AFG2A: variants seen among roughly 807,000 people sequenced by gnomAD.
The protein encoded by AFG2A is ATPase family gene 2 protein homolog A.
the AFG2A span, among the ~76,000 whole-genome samples, chr4:123,288,501 C>A: frequency 6.6e-6 from 1 of 152,118 alleles, no homozygotes; most frequent in Non-Finnish European, 1.5e-5. Flanking sequence ...GTTGAAAGTT[C>A]TTCTCTGCCA....
chr4:122,936,246 G>A, the AFG2A span: 4 of 856,490 alleles, frequency 4.7e-6, no homozygotes, highest in Admixed American at 3.1e-5. Context: ...AGCATAAACA[G>A]TAGTACAAAA....
chr4:123,078,324 A>T, the AFG2A span, among the ~76,000 whole-genome samples: 31 of 152,242 alleles, frequency 2.0e-4, no homozygotes, highest in Admixed American at 5.9e-4. Flanking sequence ...TGCTGAAGTC[A>T]TAGTTCAACC....
the AFG2A span, among the ~76,000 whole-genome samples, chr4:123,011,519 G>A: frequency 6.6e-5 from 10 of 152,266 alleles, no homozygotes; most frequent in Middle Eastern, 3.4e-3. Flanking sequence ...GGGAGGGACC[G>A]ACGTGTTAAA....
chr4:123,239,936 T>G, the AFG2A span, among the ~76,000 whole-genome samples: 4 of 152,234 alleles, frequency 2.6e-5, no homozygotes, highest in Non-Finnish European at 5.9e-5. Context: ...GAGACCCATC[T>G]CATGTACAGA....
the AFG2A span, among the ~76,000 whole-genome samples, chr4:123,233,796 T>C: frequency 2.6e-5 from 4 of 151,992 alleles, no homozygotes; most frequent in East Asian, 1.9e-4. Context: ...TCAGTATATG[T>C]AAATATATGT....
At chr4:123,163,399 A>G in the AFG2A span, among the ~76,000 whole-genome samples, 120 of 152,300 alleles carry the variant, frequency 7.9e-4, 1 homozygote, top group African/African-American at 2.6e-3. Flanking sequence ...CTGAGATTGC[A>G]CGGCTGCATT....
At chr4:123,118,104 T>C in the AFG2A span, among the ~76,000 whole-genome samples, 42 of 151,030 alleles carry the variant, frequency 2.8e-4, no homozygotes, top group South Asian at 6.5e-3. Context: ...GATGGTATTT[T>C]GAATTGGTAA....
the AFG2A span, among the ~76,000 whole-genome samples, chr4:122,940,809 A>G: frequency 4.6e-3 from 702 of 151,218 alleles, 3 homozygotes; most frequent in South Asian, 0.018. Flanking sequence ...TAATTTTTGT[A>G]TAAGGTGTAA....
the AFG2A span, among the ~76,000 whole-genome samples, chr4:123,299,406 T>C: frequency 6.6e-6 from 1 of 152,194 alleles, no homozygotes; most frequent in African/African-American, 2.4e-5. Context: ...AGTTTAGTGA[T>C]TAGATCTCCA....
the AFG2A span, among the ~76,000 whole-genome samples, chr4:123,269,263 G>A: frequency 6.6e-6 from 1 of 152,288 alleles, no homozygotes; most frequent in Non-Finnish European, 1.5e-5. Context: ...TGTCCTGCAT[G>A]CCTCTTCCTC....
the AFG2A span, among the ~76,000 whole-genome samples, chr4:123,252,106 T>TCCAAGG: frequency 6.6e-6 from 1 of 152,190 alleles, no homozygotes; most frequent in African/African-American, 2.4e-5. Flanking sequence ...CCCATTAATA[T>TCCAAGG]AATTTCCAAA....
the AFG2A span, among the ~76,000 whole-genome samples, chr4:122,933,832 A>G: frequency 6.6e-6 from 1 of 152,168 alleles, no homozygotes; most frequent in Admixed American, 6.5e-5. Flanking sequence ...TTATTATTGA[A>G]TATGGAATGC....
At chr4:123,028,164 T>C in the AFG2A span, 1 of 1,599,310 alleles carries the variant, frequency 6.3e-7, no homozygotes, top group Non-Finnish European at 8.5e-7. Context: ...AACTTATATT[T>C]GGAAAATGTT....
At chr4:123,177,469 C>T in the AFG2A span, among the ~76,000 whole-genome samples, 1 of 151,996 alleles carries the variant, frequency 6.6e-6, no homozygotes, top group Non-Finnish European at 1.5e-5. Flanking sequence ...CCTTGGCCTC[C>T]CAAAGTGCTG....
the AFG2A span, among the ~76,000 whole-genome samples, chr4:123,259,774 A>G: frequency 6.6e-6 from 1 of 152,168 alleles, no homozygotes; most frequent in Admixed American, 6.5e-5. Context: ...TATATTTACA[A>G]AAAAAAGCAA....
chr4:122,997,083 C>T, the AFG2A span, among the ~76,000 whole-genome samples: 1 of 152,166 alleles, frequency 6.6e-6, no homozygotes, highest in African/African-American at 2.4e-5. Context: ...CTAGCTATTA[C>T]ATATCCCTTT....
chr4:122,936,945 A>T, the AFG2A span, among the ~76,000 whole-genome samples: 24 of 152,160 alleles, frequency 1.6e-4, no homozygotes, highest in Non-Finnish European at 2.4e-4. Context: ...GTGCCATTGC[A>T]CTCCAGCATG....
the AFG2A span, among the ~76,000 whole-genome samples, chr4:123,005,729 T>C: frequency 6.6e-6 from 1 of 152,248 alleles, no homozygotes; most frequent in Non-Finnish European, 1.5e-5. Context: ...TTTCCCTTGG[T>C]ACATCTTTAA....
the AFG2A span, among the ~76,000 whole-genome samples, chr4:123,118,316 A>ATATATTATATATAAT: frequency 0.88 from 113,079 of 129,224 alleles, 49,923 homozygotes; most frequent in East Asian, 0.98. Flanking sequence ...TATATATAAT[A>ATATATTATATATAAT]TATATTATAT....
Sources: allele counts gnomAD v4.1 joint callset (sites outside exome capture counted in the v4.1 genomes callset), GRCh38; gene constraint gnomAD v4.1.1; transcripts MANE v1.5; gene names NCBI Gene and HGNC (gene_info 2026-07-23, HGNC 2026-07-21).